The following GAB4 variants were observed in gnomAD, a reference collection of about 807,000 sequenced individuals.
GAB4 encodes the protein GRB2-associated-binding protein 4.
In GAB4, 26 loss-of-function variants were observed where a neutral mutation model predicts 51.3. The ratio of observed to expected loss-of-function variants is 0.51; its 90% CI spans 0.37 to 0.70. GAB4 has a LOEUF of 0.70. GAB4 is among the 30% of genes least tolerant of loss of function. The probability of loss-of-function intolerance (pLI) is 0.00; values close to 1 mark genes in which losing one functional copy is unlikely to be tolerated. For missense variants in GAB4, 759 were observed against 734.6 expected, an observed-to-expected ratio of 1.03 and a Z score of -0.38; for synonymous variants, 329 against 291.2, an observed-to-expected ratio of 1.13 and a Z score of -1.32.
rs9605184 is a variant in GAB4, at chr22:16,966,246, C to A, written c.1142G>T (p.Gly381Val). 5.6e-6 allele frequency: 9 copies of A among 1,613,942 alleles called. No individual in the cohort carries two copies. In the South Asian group the frequency reaches 6.6e-5, roughly 12 times the overall value. Reference protein sequence around the residue: ...AVKQAGDDSQGVCIPVGSCLV... With the variant: ...AVKQAGDDSQVVCIPVGSCLV... ...ACATGAGCCCACAGGGATGCAGACA[C>A]CCTGGGAATCATCGCCTGCTTGCTT... Residue 381 changes from glycine (G) to valine (V), a missense_variant, in exon 6 of 10, where the codon GGT (glycine) becomes GTT (valine). Physicochemically the swap from Gly to Val is moderately radical, Grantham distance 109. This residue lies in a region of GAB4 where 588 missense variants were observed against 510.2 expected (regional missense o/e 1.15). Transcript: ENST00000400588.
intron 1 of GAB4, among the ~76,000 whole-genome samples, chr22:17,006,384 A>G (rs902027297): frequency 1.3e-5 from 2 of 152,218 alleles, no homozygotes; most frequent in Admixed American, 1.3e-4. Flanking sequence ...GTGGAGAAAT[A>G]GGAATGTTTT....
chr22:17,007,637 C>T (rs1434350148), intron 1 of GAB4, among the ~76,000 whole-genome samples: 1 of 152,150 alleles, frequency 6.6e-6, no homozygotes, highest in African/African-American at 2.4e-5. Context: ...AGGTTCCTGC[C>T]GTTTTGCGAG....
intron 1 of GAB4, among the ~76,000 whole-genome samples, chr22:17,000,072 A>G (rs2123721711): frequency 6.6e-6 from 1 of 152,276 alleles, no homozygotes; most frequent in East Asian, 1.9e-4. Flanking sequence ...GATGTGGTCA[A>G]TTTTGGAATA....
intron 3 of GAB4, among the ~76,000 whole-genome samples, chr22:16,975,839 T>C (rs2060773007): frequency 1.3e-5 from 2 of 152,168 alleles, no homozygotes; most frequent in Non-Finnish European, 2.9e-5. Context: ...TGCTGTTCTG[T>C]AGTCTCCACT....
chr22:16,982,550 G>T (rs570541064), intron 3 of GAB4, among the ~76,000 whole-genome samples: 70 of 152,260 alleles, frequency 4.6e-4, no homozygotes, highest in Non-Finnish European at 8.4e-4. Context: ...ACATGATCAT[G>T]ATTGCAAAAA....
chr22:16,969,865 G>C, intron 4 of GAB4, 78 bp downstream of exon 4: 3 of 1,542,390 alleles, frequency 1.9e-6, no homozygotes, highest in South Asian at 1.1e-5. Flanking sequence ...GGGGTGGCCG[G>C]AACACCACTA....
intron 1 of GAB4, among the ~76,000 whole-genome samples, chr22:17,006,026 C>G (rs1274457615): frequency 6.6e-6 from 1 of 152,178 alleles, no homozygotes; most frequent in African/African-American, 2.4e-5. Flanking sequence ...CAAATGGGAT[C>G]TATTTAAACT....
At chr22:16,963,925 G>C (rs975088094) in intron 8 of GAB4, 96 bp from the exon 9 acceptor site, 2 of 891,080 alleles carry the variant, frequency 2.2e-6, no homozygotes, top group Non-Finnish European at 3.6e-6. Flanking sequence ...GAGCCCACTG[G>C]GTCCTACTCT....
intron 3 of GAB4, among the ~76,000 whole-genome samples, chr22:16,975,865 G>A (rs543619044): frequency 1.3e-5 from 2 of 152,270 alleles, no homozygotes; most frequent in African/African-American, 4.8e-5. Context: ...TACTCCACTG[G>A]TGATATCTGC....
rs1232084833 is a variant in GAB4, at chr22:16,966,119, G to A, written c.1269C>T (p.Ser423=). 3.1e-6 allele frequency: 5 copies of A among 1,614,044 alleles called. No individual in the cohort carries two copies. In the Admixed American group the frequency reaches 6.7e-5, roughly 22 times the overall value. The part of the protein sequence containing the change: ...HEVQLPPVNR[S]LKPNQKANPT... ...ACTTACCCTTCTGGTTAGGCTTGAGGCTGCGGTTGACAGGGGGCAGCTGGA... is the reference window on the plus strand; with the variant it reads ...ACTTACCCTTCTGGTTAGGCTTGAGACTGCGGTTGACAGGGGGCAGCTGGA... Residue 423 remains serine, a synonymous_variant, in exon 6 of 10, where the codon AGC becomes AGT. Coordinates refer to ENST00000400588, the MANE Select transcript of GAB4 (RefSeq NM_001037814.1).
chr22:16,994,301 C>T lies in GAB4; in HGVS notation c.175-2125G>A, dbSNP rs9606561. 3.4e-3 allele frequency among the ~76,000 whole-genome samples: 522 copies of T among 152,316 alleles called. 3 individuals are homozygous for T. The highest frequency in any genetic ancestry group is 0.022 in the South Asian group (105 of 4,828). ...TCAACTCCTGGGCCTCACTTAATCTCCCAGCATAAACCGTACCCAATAAGC... is the reference window on the plus strand; with the variant it reads ...TCAACTCCTGGGCCTCACTTAATCTTCCAGCATAAACCGTACCCAATAAGC... On this transcript the variant is annotated intron_variant, in intron 1 of 9. Coordinates refer to ENST00000400588, the MANE Select transcript of GAB4 (RefSeq NM_001037814.1).
At chr22:16,969,796 CCAT>C in intron 4 of GAB4, 144 bp downstream of exon 4, 1 of 1,019,610 alleles carries the variant, frequency 9.8e-7, no homozygotes, top group Non-Finnish European at 1.5e-6. Context: ...GTGGCCACCA[CCAT>C]GGCATAGAGG....
At chr22:16,976,424 T>C (rs948219174) in intron 3 of GAB4, among the ~76,000 whole-genome samples, 7 of 151,924 alleles carry the variant, frequency 4.6e-5, no homozygotes, top group African/African-American at 1.2e-4. Context: ...ATATCAGAGA[T>C]TGAAGATCAA....
chr22:16,978,278 C>A (rs887849353), intron 3 of GAB4, among the ~76,000 whole-genome samples: 1 of 152,062 alleles, frequency 6.6e-6, no homozygotes, highest in African/African-American at 2.4e-5. Context: ...ATTAGATAGA[C>A]CACTAGCCAG....
Position 17,008,173 on chromosome 22 carries a change from T to A in GAB4, c.-59A>T. 2 of 1,287,936 alleles carry A rather than the reference T, an allele frequency of 1.6e-6. No homozygotes were observed. The highest frequency in any genetic ancestry group is 1.1e-6 in the Non-Finnish European group (1 of 915,468). 79.8% of individuals were successfully genotyped at this position (1,287,936 alleles called of 1,614,324 possible). A position where few individuals can be genotyped will look rare whatever the true frequency, so the allele number is the denominator to read the frequency against. On this transcript the variant is annotated 5_prime_UTR_variant, in exon 1 of 10. Transcript: ENST00000400588. ...CAGGGCGAGAGGGCGTTGCTGGAGG[T>A]GGGGTGTGAGGGACGGCTTGCGATA...
chr22:16,974,079 C>T (rs1488341842), intron 3 of GAB4, among the ~76,000 whole-genome samples: 1 of 152,254 alleles, frequency 6.6e-6, no homozygotes, highest in Non-Finnish European at 1.5e-5. Context: ...GGGCTCTGGA[C>T]ACCCTGCTCA....
chr22:16,988,781 C>A (rs750494196), intron 2 of GAB4, among the ~76,000 whole-genome samples: 14 of 152,226 alleles, frequency 9.2e-5, no homozygotes, highest in Non-Finnish European at 1.5e-4. Context: ...ACAGTCTGAC[C>A]TGTTTCCTGC....
At chr22:16,983,105 T>C (rs939099840) in intron 3 of GAB4, among the ~76,000 whole-genome samples, 4 of 152,318 alleles carry the variant, frequency 2.6e-5, no homozygotes, top group African/African-American at 9.6e-5. Context: ...TAGCAGAACA[T>C]GTTCCATATG....
chr22:16,965,122 A>C (rs1050215474), intron 7 of GAB4, 56 bp downstream of exon 7: 6 of 1,308,508 alleles, frequency 4.6e-6, no homozygotes, highest in Non-Finnish European at 6.5e-6. Flanking sequence ...TGACCATCCC[A>C]CTCACTCCTC....
Sources: gnomAD v4.1 joint callset for allele counts (sites outside exome capture counted in the v4.1 genomes callset) on GRCh38, gnomAD v4.1.1 for gene constraint, gnomAD v4.1.1 regional missense constraint, MANE v1.5 for transcripts, NCBI Gene and HGNC (gene_info 2026-07-23, HGNC 2026-07-21) for gene names.